The following ZMYND11 variants were observed in gnomAD, a reference collection of about 807,000 sequenced individuals.
ZMYND11 encodes the protein zinc finger MYND-type containing 11, also known as zinc finger MYND domain-containing protein 11.
ZMYND11 carries 9 observed loss-of-function variants against 84.9 expected under a neutral mutation model. The observed-to-expected ratio is 0.11, with a 90% CI of 0.06 to 0.18. The LOEUF (loss-of-function observed/expected upper bound fraction) is 0.18, where lower values mean the gene tolerates loss of function less well. Ranked by LOEUF, ZMYND11 falls within the 10% of genes least tolerant of loss-of-function variation. The pLI is 1.00. For synonymous variants in ZMYND11, 250 were observed against 244.1 expected, an observed-to-expected ratio of 1.02 and a Z score of -0.23; for missense variants, 409 against 761.0, an observed-to-expected ratio of 0.54 and a Z score of 5.44.
At chr10:250,997 T>G (rs1361466894) in intron 14 of ZMYND11, among the ~76,000 whole-genome samples, 1 of 152,374 alleles carries the variant, frequency 6.6e-6, no homozygotes, top group East Asian at 1.9e-4. Flanking sequence ...CACTCCAGCC[T>G]GGGCGACAGA....
intron 1 of ZMYND11, among the ~76,000 whole-genome samples, chr10:165,217 G>T (rs1554763391): frequency 6.6e-6 from 1 of 152,030 alleles, no homozygotes; most frequent in Non-Finnish European, 1.5e-5. Context: ...GCTAAATCTA[G>T]TGGATATTTT....
chr10:229,790 C>T (rs940250988), intron 4 of ZMYND11, among the ~76,000 whole-genome samples: 2 of 152,190 alleles, frequency 1.3e-5, no homozygotes, highest in African/African-American at 4.8e-5. Context: ...TCACCACTTC[C>T]GCTGGACCAG....
chr10:210,172 A>ATT (rs1944941971), intron 3 of ZMYND11, 124 bp downstream of exon 3: 1 of 1,079,898 alleles, frequency 9.3e-7, no homozygotes, highest in Admixed American at 2.4e-5. Context: ...TTGTATCAAC[A>ATT]TTAAGGCTCT....
chr10:244,534 TAAG>T (rs1951723119), intron 10 of ZMYND11: 1 of 152,316 alleles, frequency 6.6e-6, no homozygotes, highest in South Asian at 2.1e-4. Flanking sequence ...AGACCTGTCT[TAAG>T]GAGGCTAGAT....
intron 10 of ZMYND11, among the ~76,000 whole-genome samples, chr10:242,604 A>C (rs1230090875): frequency 6.6e-6 from 1 of 152,266 alleles, no homozygotes; most frequent in Non-Finnish European, 1.5e-5. Flanking sequence ...TAAAGAATTC[A>C]CATGCAATTT....
chr10:144,080 A>C (rs1554754632), intron 1 of ZMYND11, among the ~76,000 whole-genome samples: 2 of 152,188 alleles, frequency 1.3e-5, no homozygotes, highest in Non-Finnish European at 2.9e-5. Context: ...TTCAAATAAA[A>C]ATAATTTTAG....
At chr10:208,839 G>A (rs1440162700) in intron 2 of ZMYND11, among the ~76,000 whole-genome samples, 3 of 152,100 alleles carry the variant, frequency 2.0e-5, no homozygotes, top group Non-Finnish European at 2.9e-5. Flanking sequence ...ATTTCCTTGA[G>A]GACTTATGAG....
upstream of ZMYND11, among the ~76,000 whole-genome samples, chr10:133,970 A>G (rs1564236347): frequency 6.6e-6 from 1 of 152,166 alleles, no homozygotes; most frequent in Non-Finnish European, 1.5e-5. Flanking sequence ...AGTCTTAGAA[A>G]CCAGCTGTAG....
At chr10:249,836 G>A (rs1952987909) in intron 14 of ZMYND11, 1 of 894,052 alleles carries the variant, frequency 1.1e-6, no homozygotes, top group Non-Finnish European at 1.3e-6. Context: ...ATACACATAA[G>A]CTTTTCATGA....
chr10:139,581 C>A (rs1836975074), intron 1 of ZMYND11, among the ~76,000 whole-genome samples: 1 of 151,606 alleles, frequency 6.6e-6, no homozygotes, highest in South Asian at 2.1e-4. Context: ...TTAGTAGCTA[C>A]AATTTTATAA....
rs534043435 is a variant in ZMYND11 at position 233,403 on chromosome 10, C to T, written c.439-3435C>T. On this transcript the variant is annotated intron_variant, in intron 4 of 14. Transcript: ENST00000381604. ...GACAGCCATTCCTCTGATTATTTTC[C>T]GTGAGGGATAAGTTTGGCCTGTTCT... 8.5e-5 allele frequency among the ~76,000 whole-genome samples: 13 copies of T among 152,270 alleles called. No homozygotes were observed. In the East Asian group the frequency reaches 1.7e-3, roughly 20 times the overall value.
chr10:170,730 A>G (rs187510347), intron 1 of ZMYND11, among the ~76,000 whole-genome samples: 16 of 152,310 alleles, frequency 1.1e-4, no homozygotes, highest in African/African-American at 3.4e-4. Context: ...TGAATTGCAT[A>G]GAATGCTCAA....
intron 1 of ZMYND11, among the ~76,000 whole-genome samples, chr10:177,102 TTATTGCTA>T (rs1444468130): frequency 6.6e-6 from 1 of 152,224 alleles, no homozygotes; most frequent in Non-Finnish European, 1.5e-5. Flanking sequence ...TCCGTTTTGC[TTATTGCTA>T]TATCCCTAGA....
At chr10:200,987 A>G (rs547339499) in intron 2 of ZMYND11, among the ~76,000 whole-genome samples, 29 of 152,220 alleles carry the variant, frequency 1.9e-4, no homozygotes, top group African/African-American at 7.0e-4. Context: ...CAACATTTCT[A>G]ATCTAGTCAG....
intron 2 of ZMYND11, among the ~76,000 whole-genome samples, chr10:184,313 C>T (rs1848486637): frequency 6.6e-6 from 1 of 152,186 alleles, no homozygotes; most frequent in African/African-American, 2.4e-5. Flanking sequence ...TATCTACACA[C>T]ATCCTTATTT....
chr10:244,284 A>G (rs552014370), intron 10 of ZMYND11, among the ~76,000 whole-genome samples: 1 of 152,218 alleles, frequency 6.6e-6, no homozygotes, highest in Non-Finnish European at 1.5e-5. Flanking sequence ...AGTTTTGGCT[A>G]ATTATTCTTC....
chr10:220,840 C>T (rs1027120947), intron 3 of ZMYND11, among the ~76,000 whole-genome samples: 4 of 152,038 alleles, frequency 2.6e-5, no homozygotes, highest in East Asian at 3.9e-4. Flanking sequence ...ATTTGAAATG[C>T]GAAGCTATAG....
chr10:210,171 C>T (rs1402069055), intron 3 of ZMYND11, 123 bp downstream of exon 3: 6 of 1,074,320 alleles, frequency 5.6e-6, no homozygotes, highest in African/African-American at 1.6e-5. Flanking sequence ...TTTGTATCAA[C>T]ATTAAGGCTC....
intron 6 of ZMYND11, 26 bp downstream of exon 6, chr10:237,703 C>A: frequency 2.6e-6 from 4 of 1,547,570 alleles, no homozygotes; most frequent in Non-Finnish European, 3.5e-6. Context: ...TTTATTTCCA[C>A]TTCAAGTACA....
Sources: allele counts gnomAD v4.1 joint callset (sites outside exome capture counted in the v4.1 genomes callset), GRCh38; gene constraint gnomAD v4.1.1; transcripts MANE v1.5; gene names NCBI Gene and HGNC (gene_info 2026-07-23, HGNC 2026-07-21).